OR56A3: variants seen among roughly 807,000 people sequenced by gnomAD.
The protein encoded by OR56A3 is olfactory receptor family 56 subfamily A member 3.
OR56A3 carries 23 observed loss-of-function variants against 17.5 expected under a neutral mutation model. The observed-to-expected ratio is 1.32, with a 90% CI of 0.95 to 1.87. The LOEUF (loss-of-function observed/expected upper bound fraction) is 1.87. Among genes scored for constraint, OR56A3 ranks in the 40% most tolerant of loss-of-function variants. The probability of loss-of-function intolerance (pLI) is 0.00; values close to 1 mark genes in which losing one functional copy is unlikely to be tolerated. For missense variants in OR56A3, 366 were observed against 380.1 expected, an observed-to-expected ratio of 0.96 and a Z score of 0.31; for synonymous variants, 175 against 150.6, an observed-to-expected ratio of 1.16 and a Z score of -1.19.
the OR56A3 span, among the ~76,000 whole-genome samples, chr11:5,956,841 G>A: frequency 6.6e-6 from 1 of 152,160 alleles, no homozygotes. Context: ...TTCCAAAAAT[G>A]AAGGAGATGT....
At chr11:5,958,664 A>G in the OR56A3 span, among the ~76,000 whole-genome samples, 1 of 152,138 alleles carries the variant, frequency 6.6e-6, no homozygotes, top group African/African-American at 2.4e-5. Flanking sequence ...GGGCTTTTCA[A>G]CAATACAATG....
At chr11:6,002,723 A>C in the OR56A3 span, 1 of 1,614,250 alleles carries the variant, frequency 6.2e-7, no homozygotes, top group Non-Finnish European at 8.5e-7. Flanking sequence ...ACCTGAGGTC[A>C]AACCAGAAGA....
At chr11:6,006,298 C>T in the OR56A3 span, 3 of 152,142 alleles carry the variant, frequency 2.0e-5, no homozygotes, top group South Asian at 4.2e-4. Flanking sequence ...CTGAATTTTC[C>T]TTAGTGAAAT....
At chr11:5,987,762 C>T in the OR56A3 span, among the ~76,000 whole-genome samples, 1 of 152,172 alleles carries the variant, frequency 6.6e-6, no homozygotes, top group Non-Finnish European at 1.5e-5. Context: ...TATATCCACT[C>T]CTTCTTCTCA....
At position 5,946,399 on chromosome 11, in the gene OR56A3, G is replaced by C. The variant is rs191158546; in HGVS notation, c.-36-912G>C. Among the ~76,000 whole-genome samples the C allele has an allele frequency of 1.4e-3, 219 of 152,350 alleles. 1 individual carries two copies. Among genetic ancestry groups the C allele is most frequent in the Non-Finnish European group, 2.5e-3 (169 of 68,034 alleles). On this transcript the variant is annotated intron_variant, in intron 2 of 2. Coordinates refer to ENST00000641160, the MANE Select transcript of OR56A3 (RefSeq NM_001003443.3). ...GTACCTAACAGAATGCCAGGGAAGA[G>C]GGTTAAATGATAAGGGAATAATGGC...
the OR56A3 span, chr11:5,985,759 G>A: frequency 1.8e-6 from 1 of 567,540 alleles, no homozygotes; most frequent in South Asian, 3.0e-5. Context: ...CACAAATCCA[G>A]ATATCCAGGT....
At chr11:5,994,548 G>C in the OR56A3 span, 1 of 959,222 alleles carries the variant, frequency 1.0e-6, no homozygotes, top group Non-Finnish European at 1.7e-6. Flanking sequence ...TCCTCCTTGA[G>C]AGCCTCGATC....
chr11:6,002,010 A>G, the OR56A3 span: 1 of 1,484,072 alleles, frequency 6.7e-7, no homozygotes, highest in East Asian at 2.3e-5. Flanking sequence ...ATTTTCACTA[A>G]CAATTAACAA....
At chr11:5,965,079 C>A in the OR56A3 span, among the ~76,000 whole-genome samples, 1 of 152,060 alleles carries the variant, frequency 6.6e-6, no homozygotes, top group East Asian at 1.9e-4. Context: ...AAAAATTATC[C>A]ATTTCCCATG....
At chr11:5,969,289 A>G in the OR56A3 span, among the ~76,000 whole-genome samples, 25 of 152,348 alleles carry the variant, frequency 1.6e-4, no homozygotes, top group Middle Eastern at 3.4e-3. Flanking sequence ...TCTCTGGTTA[A>G]TTCATTCCTC....
At chr11:5,982,297 C>T in the OR56A3 span, among the ~76,000 whole-genome samples, 6 of 152,018 alleles carry the variant, frequency 3.9e-5, no homozygotes, top group Middle Eastern at 3.2e-3. Flanking sequence ...GGTTTGTGTA[C>T]GTGTATGTGC....
At chr11:6,003,448 C>A in the OR56A3 span, among the ~76,000 whole-genome samples, 1 of 152,142 alleles carries the variant, frequency 6.6e-6, no homozygotes, top group South Asian at 2.1e-4. Context: ...CCCACTTATT[C>A]CAGTTCAAGT....
chr11:5,996,845 C>G, the OR56A3 span, among the ~76,000 whole-genome samples: 4 of 152,284 alleles, frequency 2.6e-5, no homozygotes, highest in Middle Eastern at 0.01. Flanking sequence ...TAACCCCATG[C>G]CCAGTCTGAA....
chr11:5,967,874 C>A, the OR56A3 span: 1 of 1,577,204 alleles, frequency 6.3e-7, no homozygotes, highest in Non-Finnish European at 8.6e-7. Context: ...CCAGCAGGGT[C>A]CAACCTATAA....
the OR56A3 span, among the ~76,000 whole-genome samples, chr11:6,018,769 T>C: frequency 6.6e-6 from 1 of 151,346 alleles, no homozygotes; most frequent in Admixed American, 6.6e-5. Context: ...ATAAACAAAA[T>C]TGATAAACCT....
the OR56A3 span, among the ~76,000 whole-genome samples, chr11:6,016,182 C>T: frequency 6.6e-6 from 1 of 151,994 alleles, no homozygotes; most frequent in Non-Finnish European, 1.5e-5. Flanking sequence ...TAGCAACTCC[C>T]CACTCTCTCT....
At chr11:5,980,922 C>A in the OR56A3 span, among the ~76,000 whole-genome samples, 4 of 152,072 alleles carry the variant, frequency 2.6e-5, no homozygotes, top group Admixed American at 6.6e-5. Context: ...GCTTATGAAG[C>A]TTAGTTTGGC....
At chr11:5,994,400 G>A in the OR56A3 span, 110 of 721,186 alleles carry the variant, frequency 1.5e-4, no homozygotes, top group Middle Eastern at 2.0e-3. Context: ...CCAGCTCGTC[G>A]TATTGTTCCT....
At chr11:6,015,434 C>G in the OR56A3 span, among the ~76,000 whole-genome samples, 1 of 152,188 alleles carries the variant, frequency 6.6e-6, no homozygotes, top group Non-Finnish European at 1.5e-5. Flanking sequence ...TCGCACAGTT[C>G]CCACTGGGAC....
Sources: allele counts gnomAD v4.1 joint callset (sites outside exome capture counted in the v4.1 genomes callset), GRCh38; gene constraint gnomAD v4.1.1; transcripts MANE v1.5; gene names NCBI Gene and HGNC (gene_info 2026-07-23, HGNC 2026-07-21).